Variants in MCUB observed in about 807,000 individuals in gnomAD.
MCUB encodes calcium uniporter regulatory subunit MCUb, mitochondrial.
MCUB carries 46 observed loss-of-function variants against 41.4 expected under a neutral mutation model. The observed-to-expected ratio is 1.11, with a 90% CI of 0.88 to 1.42. The LOEUF is 1.42. Ranked by LOEUF, MCUB falls within the 40% of genes most tolerant of loss-of-function variation. The probability of loss-of-function intolerance (pLI) is 0.00; values close to 1 mark genes in which losing one functional copy is unlikely to be tolerated. For synonymous variants in MCUB, 148 were observed against 148.2 expected (o/e 1.00, Z 0.01); for missense variants, 403 against 404.9 (o/e 1.00, Z 0.04).
chr4:109,613,901 C>T (rs1728071895), intron 1 of MCUB, among the ~76,000 whole-genome samples: 1 of 152,124 alleles, frequency 6.6e-6, no homozygotes, highest in African/African-American at 2.4e-5. Flanking sequence ...GGTATAATAT[C>T]ACAACCCAGA....
chr4:109,668,508 T>C (rs1729391853), intron 4 of MCUB, among the ~76,000 whole-genome samples: 1 of 152,138 alleles, frequency 6.6e-6, no homozygotes, highest in African/African-American at 2.4e-5. Context: ...ATCCCTTTGC[T>C]TTTCATCTAT....
intron 1 of MCUB, among the ~76,000 whole-genome samples, chr4:109,646,124 C>T (rs1728830394): frequency 6.6e-6 from 1 of 152,080 alleles, no homozygotes; most frequent in Admixed American, 6.6e-5. Flanking sequence ...CACTCTTCAG[C>T]ATACTACCAT....
intron 4 of MCUB, among the ~76,000 whole-genome samples, chr4:109,672,401 C>T (rs1729476674): frequency 6.6e-6 from 1 of 152,104 alleles, no homozygotes; most frequent in Admixed American, 6.5e-5. Context: ...GGAGTTTTTC[C>T]TTCAATGCTA....
intron 1 of MCUB, among the ~76,000 whole-genome samples, chr4:109,613,063 A>G (rs564860806): frequency 1.1e-4 from 17 of 152,180 alleles, no homozygotes; most frequent in East Asian, 1.9e-4. Context: ...CCGAGATCAC[A>G]CCACTGCACT....
intron 1 of MCUB, among the ~76,000 whole-genome samples, chr4:109,614,029 T>C (rs1293954413): frequency 2.0e-5 from 3 of 152,216 alleles, no homozygotes; most frequent in Non-Finnish European, 2.9e-5. Flanking sequence ...TAGGTTCATG[T>C]ATCCACCACC....
At chr4:109,576,322 A>G (rs1201582103) in intron 1 of MCUB, among the ~76,000 whole-genome samples, 1 of 152,198 alleles carries the variant, frequency 6.6e-6, no homozygotes, top group Admixed American at 6.5e-5. Flanking sequence ...TCAAGTAGGT[A>G]TTTGTTTCTT....
At chr4:109,645,997 G>A (rs1482928932) in intron 1 of MCUB, among the ~76,000 whole-genome samples, 1 of 152,072 alleles carries the variant, frequency 6.6e-6, no homozygotes, top group African/African-American at 2.4e-5. Flanking sequence ...GCTTAAGAAA[G>A]TCGCAAACCC....
In MCUB at chr4:109,683,827, C is replaced by G. The variant is rs369279361; in HGVS notation, c.613-616C>G. ...ATTCCTAGAAGTAGAATTGCTGAGTCAAATAGGCCTCTAATTTTAGTTGGG... is the reference window on the plus strand; with the variant it reads ...ATTCCTAGAAGTAGAATTGCTGAGTGAAATAGGCCTCTAATTTTAGTTGGG... On this transcript the variant is annotated intron_variant, in intron 5 of 7. Coordinates refer to ENST00000394650, the MANE Select transcript of MCUB (RefSeq NM_017918.5). Among the ~76,000 whole-genome samples the G allele has an allele frequency of 1.3e-3, 193 of 152,250 alleles. 2 individuals carry two copies. Among genetic ancestry groups the G allele is most frequent in the Middle Eastern group, 0.01 (3 of 294 alleles).
intron 1 of MCUB, among the ~76,000 whole-genome samples, chr4:109,579,480 C>A (rs559104848): frequency 6.6e-6 from 1 of 152,172 alleles, no homozygotes. Context: ...AATCTCTTGA[C>A]CTTGTGATCC....
chr4:109,607,386 T>G lies in MCUB; in HGVS notation c.99+46950T>G, dbSNP rs906468710. ...GTGCTTGCCACCACGCCCGGCTAAT[T>G]TTTGTATTTTAAGTAGAGACAGGGT... On this transcript the variant is annotated intron_variant, in intron 1 of 7. Coordinates refer to ENST00000394650, the MANE Select transcript of MCUB (RefSeq NM_017918.5). Among the ~76,000 whole-genome samples, 22 of 152,190 alleles carry G rather than the reference T, an allele frequency of 1.4e-4. No homozygotes were observed. In the East Asian group the frequency reaches 1.7e-3, roughly 12 times the overall value.
chr4:109,605,235 A>T (rs899769513), intron 1 of MCUB, among the ~76,000 whole-genome samples: 1 of 151,998 alleles, frequency 6.6e-6, no homozygotes, highest in Non-Finnish European at 1.5e-5. Flanking sequence ...GAATTTCTTC[A>T]TGGTTCAATC....
At chr4:109,646,564 C>G (rs1394765404) in intron 1 of MCUB, among the ~76,000 whole-genome samples, 1 of 152,176 alleles carries the variant, frequency 6.6e-6, no homozygotes, top group African/African-American at 2.4e-5. Context: ...TAGAATCACT[C>G]CATTCATCTA....
intron 1 of MCUB, among the ~76,000 whole-genome samples, chr4:109,573,747 T>C (rs1466929098): frequency 6.6e-6 from 1 of 152,144 alleles, no homozygotes; most frequent in Non-Finnish European, 1.5e-5. Context: ...GTCAAGGGCA[T>C]TGTGTTTTGT....
At chr4:109,584,982 C>A (rs1727271719) in intron 1 of MCUB, among the ~76,000 whole-genome samples, 1 of 152,136 alleles carries the variant, frequency 6.6e-6, no homozygotes, top group Non-Finnish European at 1.5e-5. Context: ...TGGTCCAGAG[C>A]TGAGTTTAAG....
chr4:109,574,191 G>A lies in MCUB; in HGVS notation c.99+13755G>A, dbSNP rs146712547. On this transcript the variant is annotated intron_variant, in intron 1 of 7. Transcript: ENST00000394650. ...TTTTTAATCTAGTGAAAAAGAAGCT[G>A]AGGAAAAGCAAGATATTTGCATTCA... Among the ~76,000 whole-genome samples the A allele has an allele frequency of 2.4e-3, 368 of 152,214 alleles. 1 individual carries two copies. Among genetic ancestry groups the A allele is most frequent in the African/African-American group, 8.3e-3 (345 of 41,530 alleles).
intron 1 of MCUB, among the ~76,000 whole-genome samples, chr4:109,621,689 G>A (rs1051533994): frequency 7.2e-5 from 11 of 152,096 alleles, no homozygotes; most frequent in Non-Finnish European, 1.6e-4. Context: ...AAAATAAGGG[G>A]CAGAGTATAT....
At chr4:109,612,839 T>A (rs147640734) in intron 1 of MCUB, among the ~76,000 whole-genome samples, 8 of 152,188 alleles carry the variant, frequency 5.3e-5, no homozygotes, top group Middle Eastern at 3.4e-3. Flanking sequence ...GGGTGCGGTG[T>A]CTCACGCCTG....
intron 1 of MCUB, among the ~76,000 whole-genome samples, chr4:109,577,219 AT>A (rs1275713104): frequency 6.6e-6 from 1 of 152,206 alleles, no homozygotes; most frequent in Non-Finnish European, 1.5e-5. Context: ...AAATGGAAAA[AT>A]CCTCAGTCCA....
intron 1 of MCUB, among the ~76,000 whole-genome samples, chr4:109,580,979 C>T (rs1166288986): frequency 6.6e-6 from 1 of 152,156 alleles, no homozygotes; most frequent in South Asian, 2.1e-4. Context: ...GATTCAATGC[C>T]ATCCCCATCA....
Sources: gnomAD v4.1 joint callset for allele counts (sites outside exome capture counted in the v4.1 genomes callset) on GRCh38, gnomAD v4.1.1 for gene constraint, MANE v1.5 for transcripts, NCBI Gene and HGNC (gene_info 2026-07-23, HGNC 2026-07-21) for gene names.